The following LRRC55 variants were observed in gnomAD, a reference collection of about 807,000 sequenced individuals.
The protein encoded by LRRC55 is leucine-rich repeat-containing protein 55.
LRRC55 carries 11 observed loss-of-function variants against 20.5 expected under a neutral mutation model. The observed-to-expected ratio is 0.54, with a 90% CI of 0.34 to 0.89. The LOEUF is 0.89. Ranked by LOEUF, LRRC55 falls within the 40% of genes least tolerant of loss-of-function variation. The probability of loss-of-function intolerance (pLI) is 0.02; values close to 1 mark genes in which losing one functional copy is unlikely to be tolerated. For synonymous variants in LRRC55, 188 were observed against 166.6 expected (o/e 1.13, Z -0.99); for missense variants, 358 against 390.9 (o/e 0.92, Z 0.71).
rs1124846 is a variant in LRRC55 at position 57,188,406 on chromosome 11, C to A, written c.*926C>A. 0.044 allele frequency: 6,680 copies of A among 152,738 alleles called. 183 individuals are homozygous for A. Among genetic ancestry groups the A allele is most frequent in the Admixed American group, 0.067 (1,020 of 15,298 alleles). 9.5% of individuals were successfully genotyped at this position (152,738 alleles called of 1,614,324 possible). On this transcript the variant is annotated 3_prime_UTR_variant, in exon 2 of 2. Coordinates refer to ENST00000497933, the MANE Select transcript of LRRC55 (RefSeq NM_001005210.4). ...GCCACAGACCCACAGCCTGGCAGCACCCAGAGCTAAAAGGGGACAAAGGCA... is the reference window on the plus strand; with the variant it reads ...GCCACAGACCCACAGCCTGGCAGCAACCAGAGCTAAAAGGGGACAAAGGCA...
In LRRC55 at chr11:57,182,647, A is replaced by G; in HGVS notation, c.625A>G (p.Lys209Glu). The stretch of plus-strand genomic sequence containing the variant: ...TGGCTGCACCATGGAACCCCTGCTG[A>G]AGTGGCTGCGAAACCGGATCCAGCG... ...VCGCTMEPLLKWLRNRIQRCT... is the reference protein window; with the variant it reads ...VCGCTMEPLLEWLRNRIQRCT... Residue 209 changes from lysine (K) to glutamate (E), a missense_variant, in exon 1 of 2, where the codon AAG (lysine) becomes GAG (glutamate). Lys to Glu is a moderately conservative substitution (Grantham distance 56, BLOSUM62 1). Coordinates refer to ENST00000497933, the MANE Select transcript of LRRC55 (RefSeq NM_001005210.4). The G allele has an allele frequency of 6.6e-7, 1 of 1,515,214 alleles. No individual in the cohort carries two copies. Among genetic ancestry groups the G allele is most frequent in the Non-Finnish European group, 8.8e-7 (1 of 1,132,336 alleles). The allele number at this position is 1,515,214 out of a possible 1,614,324, so 93.9% of individuals were successfully genotyped here.
chr11:57,186,341 C>T (rs1374621726), intron 1 of LRRC55, among the ~76,000 whole-genome samples: 3 of 152,156 alleles, frequency 2.0e-5, no homozygotes, highest in Admixed American at 1.3e-4. Context: ...ATGGACAAGA[C>T]ACTGTTCTCA....
chr11:57,184,471 A>T (rs1565179797), intron 1 of LRRC55, among the ~76,000 whole-genome samples: 1 of 152,204 alleles, frequency 6.6e-6, no homozygotes, highest in Non-Finnish European at 1.5e-5. Flanking sequence ...CAGGCCCATG[A>T]TGAGGAAGCA....
Position 57,190,283 on chromosome 11 carries a change from G to T in LRRC55, c.*2803G>T, listed in dbSNP as rs1326185349. 2 of 152,102 alleles carry T rather than the reference G, an allele frequency of 1.3e-5. No individual in the cohort carries two copies. The highest frequency in any genetic ancestry group is 2.9e-5 in the Non-Finnish European group (2 of 68,014). 9.4% of individuals were successfully genotyped at this position (152,102 alleles called of 1,614,324 possible). A position where few individuals can be genotyped will look rare whatever the true frequency, so the allele number is the denominator to read the frequency against. ...AATGTCCTTTCTAGTGGGACAATTT[G>T]GTCTCCATTAATGCCAAGCCTTTCT... On this transcript the variant is annotated 3_prime_UTR_variant, in exon 2 of 2. Coordinates refer to ENST00000497933, the MANE Select transcript of LRRC55 (RefSeq NM_001005210.4).
chr11:57,186,766 A>T (rs138223093), intron 1 of LRRC55, among the ~76,000 whole-genome samples: 1 of 152,350 alleles, frequency 6.6e-6, no homozygotes, highest in African/African-American at 2.4e-5. Flanking sequence ...CAAGGGGAGC[A>T]CCTTGGTTTT....
rs559046187 is a variant in LRRC55 at position 57,185,848 on chromosome 11, T to G, written c.662-1397T>G. Among the ~76,000 whole-genome samples, 3 of 151,992 alleles carry G rather than the reference T, an allele frequency of 2.0e-5. No individual in the cohort carries two copies. In the East Asian group the frequency reaches 5.8e-4, roughly 29 times the overall value. ...TAAAAGTGACCCCAGAAGAATGAGATGAGACCATCAATGCTGAAAATAACA... is the reference window on the plus strand; with the variant it reads ...TAAAAGTGACCCCAGAAGAATGAGAGGAGACCATCAATGCTGAAAATAACA... On this transcript the variant is annotated intron_variant, in intron 1 of 1. Coordinates refer to ENST00000497933, the MANE Select transcript of LRRC55 (RefSeq NM_001005210.4).
chr11:57,182,056 G>T lies in LRRC55; in HGVS notation c.34G>T (p.Gly12Trp). 2 of 1,614,152 alleles carry T rather than the reference G, an allele frequency of 1.2e-6. No homozygotes were observed. Among genetic ancestry groups the T allele is most frequent in the Non-Finnish European group, 1.7e-6 (2 of 1,180,022 alleles). Residue 12 changes from glycine to tryptophan, a missense_variant, in exon 1 of 2, where the codon GGG becomes TGG. By Grantham distance (184) the Gly-to-Trp change is radical. Coordinates refer to ENST00000497933, the MANE Select transcript of LRRC55 (RefSeq NM_001005210.4). ...CACTTGGGCCCAGCTTCCCTGGCCC[G>T]GGCCACCCCACCCAGCAATGCTGCT... ...GDTWAQLPWP[G>W]PPHPAMLLIS...
At position 57,187,445 on chromosome 11, in the gene LRRC55, C is replaced by T. The variant is rs375346809; in HGVS notation, c.862C>T (p.Arg288Cys). 2.0e-5 allele frequency: 32 copies of T among 1,614,038 alleles called. No individual in the cohort carries two copies. Among genetic ancestry groups the T allele is most frequent in the East Asian group, 1.3e-4 (6 of 44,898 alleles). ...GGGCATCACTGCCAACTGCTGCCACCGCTGGAGCAAGGCCAGTGAAGAGGA... is the reference window on the plus strand; with the variant it reads ...GGGCATCACTGCCAACTGCTGCCACTGCTGGAGCAAGGCCAGTGAAGAGGA... Reference protein sequence around the residue: ...LLGITANCCHRWSKASEEEEI With the variant: ...LLGITANCCHCWSKASEEEEI Residue 288 changes from arginine (R) to cysteine (C), a missense_variant, in exon 2 of 2, where the codon CGC becomes TGC. Physicochemically the swap from Arg to Cys is radical, Grantham distance 180. Coordinates refer to ENST00000497933, the MANE Select transcript of LRRC55 (RefSeq NM_001005210.4).
At chr11:57,183,010 C>A (rs1854383715) in intron 1 of LRRC55, among the ~76,000 whole-genome samples, 1 of 152,142 alleles carries the variant, frequency 6.6e-6, no homozygotes, top group Non-Finnish European at 1.5e-5. Flanking sequence ...GACCTAAGAT[C>A]TTGGCATCCA....
intron 1 of LRRC55, among the ~76,000 whole-genome samples, chr11:57,185,430 A>G (rs1179827865): frequency 6.6e-6 from 1 of 151,076 alleles, no homozygotes; most frequent in Non-Finnish European, 1.5e-5. Flanking sequence ...ACAGGTGCGC[A>G]CCACCACACC....
intron 1 of LRRC55, among the ~76,000 whole-genome samples, chr11:57,186,899 C>A (rs1456527660): frequency 6.6e-6 from 1 of 152,176 alleles, no homozygotes; most frequent in Non-Finnish European, 1.5e-5. Flanking sequence ...CTGGTGAGGT[C>A]CCAGCCTGCA....
At position 57,188,447 on chromosome 11, in the gene LRRC55, T is replaced by A. The variant is rs988647281; in HGVS notation, c.*967T>A. 1 of 152,460 alleles carries A rather than the reference T, an allele frequency of 6.6e-6. No homozygotes were observed. Among genetic ancestry groups the A allele is most frequent in the Non-Finnish European group, 1.5e-5 (1 of 68,066 alleles). 9.4% of individuals were successfully genotyped at this position (152,460 alleles called of 1,614,324 possible). On this transcript the variant is annotated 3_prime_UTR_variant, in exon 2 of 2. Coordinates refer to ENST00000497933, the MANE Select transcript of LRRC55 (RefSeq NM_001005210.4). ...GACAAAGGCAGCACAGTTATGACCA[T>A]ATGAGGCTTTGCATTTTCTTCTAAG...
rs1590774981 is a variant in LRRC55, at chr11:57,182,092, C to T, written c.70C>T (p.Leu24Phe). 5 of 1,614,212 alleles carry T rather than the reference C, an allele frequency of 3.1e-6. No homozygotes were observed. The highest frequency in any genetic ancestry group is 3.4e-6 in the Non-Finnish European group (4 of 1,180,036). The change falls in exon 1 of 2, where the codon CTC becomes TTC. Residue 24 changes from leucine to phenylalanine, a missense_variant. Physicochemically the swap from Leu to Phe is conservative, Grantham distance 22. Coordinates refer to ENST00000497933, the MANE Select transcript of LRRC55 (RefSeq NM_001005210.4). Reference protein sequence around the residue: ...PHPAMLLISLLLAAGLMHSDA... With the variant: ...PHPAMLLISLFLAAGLMHSDA... ...CCCAGCAATGCTGCTGATCTCCCTC[C>T]TCTTGGCAGCCGGGTTGATGCACTC...
chr11:57,191,527 G>A lies in LRRC55; in HGVS notation c.*4047G>A, dbSNP rs1019484283. The stretch of plus-strand genomic sequence containing the variant: ...CACTGGGCGGAGAGCTGGATCCACA[G>A]AGCTCTCAGTTTTTCTAAGCACTGT... On this transcript the variant is annotated 3_prime_UTR_variant, in exon 2 of 2. Coordinates refer to ENST00000497933, the MANE Select transcript of LRRC55 (RefSeq NM_001005210.4). 7.1e-5 allele frequency: 10 copies of A among 141,544 alleles called. No individual in the cohort carries two copies. In the Admixed American group the frequency reaches 7.1e-4, roughly 10 times the overall value. 8.8% of individuals were successfully genotyped at this position (141,544 alleles called of 1,614,324 possible). A position where few individuals can be genotyped will look rare whatever the true frequency, so the allele number is the denominator to read the frequency against.
chr11:57,183,003 C>T (rs768922335), intron 1 of LRRC55, among the ~76,000 whole-genome samples: 4 of 152,148 alleles, frequency 2.6e-5, no homozygotes, highest in Non-Finnish European at 5.9e-5. Context: ...TCACCATGAC[C>T]TAAGATCTTG....
chr11:57,187,226 C>T lies in LRRC55; in HGVS notation c.662-19C>T. On this transcript the variant is annotated intron_variant, in intron 1 of 1. Coordinates refer to ENST00000497933, the MANE Select transcript of LRRC55 (RefSeq NM_001005210.4). ...CTCCTTCCCTGGGTACCTCACCCTC[C>T]CTGGCTTCTGTGTTACAGATTCTCA... 6.2e-7 allele frequency: 1 copy of T among 1,609,470 alleles called. No homozygotes were observed.
Position 57,190,965 on chromosome 11 carries a change from G to A in LRRC55, c.*3485G>A, listed in dbSNP as rs559232497. On this transcript the variant is annotated 3_prime_UTR_variant, in exon 2 of 2. Coordinates refer to ENST00000497933, the MANE Select transcript of LRRC55 (RefSeq NM_001005210.4). Reference sequence around the variant, plus strand: ...TCCTTGCTTCCCTCTGCTCTCTCCTGCGCCTCAGAGACTTGTCCCCATTGC... The same window carrying A: ...TCCTTGCTTCCCTCTGCTCTCTCCTACGCCTCAGAGACTTGTCCCCATTGC... 1 of 152,264 alleles carries A rather than the reference G, an allele frequency of 6.6e-6. No individual in the cohort carries two copies. Among genetic ancestry groups the A allele is most frequent in the East Asian group, 1.9e-4 (1 of 5,170 alleles). 9.4% of individuals were successfully genotyped at this position (152,264 alleles called of 1,614,324 possible).
In LRRC55 at chr11:57,187,460, A is replaced by G. The variant is rs765065973; in HGVS notation, c.877A>G (p.Ser293Gly). The G allele has an allele frequency of 1.9e-6, 3 of 1,614,092 alleles. No homozygotes were observed. In the East Asian group the frequency reaches 6.7e-5, roughly 36 times the overall value. ...ANCCHRWSKA[S>G]EEEEI ...CTGCTGCCACCGCTGGAGCAAGGCC[A>G]GTGAAGAGGAAGAGATCTGACATGC... Residue 293 changes from serine (S) to glycine (G), a missense_variant, in exon 2 of 2, where the codon AGT (serine) becomes GGT (glycine). Physicochemically the swap from Ser to Gly is moderately conservative, Grantham distance 56. This residue lies in a region of LRRC55 where 178 missense variants were observed against 207.9 expected (regional missense o/e 0.86). Coordinates refer to ENST00000497933, the MANE Select transcript of LRRC55 (RefSeq NM_001005210.4).
intron 1 of LRRC55, 32 bp from the exon 2 acceptor site, chr11:57,187,213 G>A: frequency 1.3e-6 from 2 of 1,593,166 alleles, no homozygotes; most frequent in Non-Finnish European, 1.7e-6. Context: ...CCTTCCCTGG[G>A]TACCTCACCC....
Sources: allele counts gnomAD v4.1 joint callset (sites outside exome capture counted in the v4.1 genomes callset), GRCh38; gene constraint gnomAD v4.1.1; regional missense constraint gnomAD v4.1.1; transcripts MANE v1.5; gene names NCBI Gene and HGNC (gene_info 2026-07-23, HGNC 2026-07-21).